The following TAS1R1 variants were observed in gnomAD, a reference collection of about 807,000 sequenced individuals.
TAS1R1 encodes taste 1 receptor member 1, also known as taste receptor type 1 member 1.
Under a neutral mutation model 45.8 loss-of-function variants are expected in TAS1R1, and 31 were observed. The ratio of observed to expected loss-of-function variants is 0.68; its 90% CI spans 0.51 to 0.91. The LOEUF is 0.91. TAS1R1 is among the 40% of genes least tolerant of loss of function. The pLI, the probability that TAS1R1 is intolerant of heterozygous loss-of-function variation, is 0.00. For synonymous variants in TAS1R1, 437 were observed against 448.4 expected (o/e 0.97, Z 0.32); for missense variants, 1,051 against 1,063.9 (o/e 0.99, Z 0.17).
intron 1 of TAS1R1, among the ~76,000 whole-genome samples, chr1:6,565,416 A>G (rs957864690): frequency 6.6e-6 from 1 of 152,022 alleles, no homozygotes; most frequent in Non-Finnish European, 1.5e-5. Flanking sequence ...TAGAGCTCTG[A>G]GGCAAGTTGG....
intron 2 of TAS1R1, among the ~76,000 whole-genome samples, chr1:6,571,750 G>A (rs527564118): frequency 1.3e-5 from 2 of 152,254 alleles, no homozygotes; most frequent in African/African-American, 4.8e-5. Flanking sequence ...AATCTGGGAG[G>A]TGGAGGTTGC....
chr1:6,576,011 G>A (rs1214265437), intron 3 of TAS1R1, among the ~76,000 whole-genome samples: 1 of 151,916 alleles, frequency 6.6e-6, no homozygotes, highest in Non-Finnish European at 1.5e-5. Context: ...TGTATTTTTA[G>A]TAGAGATGGG....
chr1:6,579,606 C>A lies in TAS1R1; in HGVS notation c.*22C>A. On this transcript the variant is annotated 3_prime_UTR_variant, in exon 6 of 6. Coordinates refer to ENST00000333172, the MANE Select transcript of TAS1R1 (RefSeq NM_138697.4). ...CTGACCAGTGGGTCAGCAGGCACGGCTGGCAGCCTTCTCTGCCCTGAGGGT... is the reference window on the plus strand; with the variant it reads ...CTGACCAGTGGGTCAGCAGGCACGGATGGCAGCCTTCTCTGCCCTGAGGGT... 2 of 1,583,772 alleles carry A rather than the reference C, an allele frequency of 1.3e-6. No individual in the cohort carries two copies. The highest frequency in any genetic ancestry group is 1.7e-5 in the Admixed American group (1 of 58,862).
At chr1:6,568,409 T>C (rs1639920188) in intron 1 of TAS1R1, among the ~76,000 whole-genome samples, 1 of 150,222 alleles carries the variant, frequency 6.7e-6, no homozygotes, top group Non-Finnish European at 1.5e-5. Context: ...GAGCCGAGAT[T>C]GCGCCACTGC....
rs993806949 is a variant in TAS1R1 at position 6,570,981 on chromosome 1, C to T, written c.264C>T (p.Asn88=). 4 of 1,613,970 alleles carry T rather than the reference C, an allele frequency of 2.5e-6. No individual in the cohort carries two copies. Among genetic ancestry groups the T allele is most frequent in the Admixed American group, 1.7e-5 (1 of 59,988 alleles). ...GGCTTGGGGTTGAGGAGATAAACAA[C>T]TCCACGGCCCTGCTGCCCAACATCA... ...AMRLGVEEIN[N]STALLPNITL... The change falls in exon 2 of 6, where the codon AAC becomes AAT. Residue 88 remains asparagine (N), a synonymous_variant. Coordinates refer to ENST00000333172, the MANE Select transcript of TAS1R1 (RefSeq NM_138697.4).
rs1570128830 is a variant in TAS1R1 at position 6,574,620 on chromosome 1, A to G, written c.499-11A>G. 6.3e-7 allele frequency: 1 copy of G among 1,583,824 alleles called. No individual in the cohort carries two copies. The highest frequency in any genetic ancestry group is 8.6e-7 in the Non-Finnish European group (1 of 1,162,976). ...GTGGAGACTGAAATGGCTGAACGGG[A>G]CCTCCCATAGATTAGCTATGCGGCC... On this transcript the variant is annotated splice_polypyrimidine_tract_variant and intron_variant, in intron 2 of 5. Transcript: ENST00000333172. The surrounding 1 kb of genome is among the most constrained non-coding windows in gnomAD (Gnocchi z 4.3).
intron 1 of TAS1R1, among the ~76,000 whole-genome samples, chr1:6,563,225 G>A (rs972577097): frequency 6.6e-6 from 1 of 152,172 alleles, no homozygotes; most frequent in Non-Finnish European, 1.5e-5. Context: ...TAAAATTTTG[G>A]TGGTCATTTG....
At chr1:6,560,471 C>T (rs1436359248) in intron 1 of TAS1R1, among the ~76,000 whole-genome samples, 1 of 152,190 alleles carries the variant, frequency 6.6e-6, no homozygotes, top group African/African-American at 2.4e-5. Flanking sequence ...TCTGGGTAAA[C>T]CCACTTCCTG....
Position 6,575,394 on chromosome 1 carries a change from T to TA in TAS1R1, c.1260+4dup. The TA allele has an allele frequency of 6.4e-7, 1 of 1,551,750 alleles. No individual in the cohort carries two copies. The highest frequency in any genetic ancestry group is 8.7e-7 in the Non-Finnish European group (1 of 1,151,622). On this transcript the variant is annotated splice_region_variant and intron_variant, in intron 3 of 5. Transcript: ENST00000333172. ...AGGGGCCGAGTCTACCCCTGGCAGG[T>TA]AAGAGAGCCCACCCCAGCACCTCCT...
Position 6,574,811 on chromosome 1 carries a change from G to A in TAS1R1, c.679G>A (p.Ala227Thr). 6.2e-7 allele frequency: 1 copy of A among 1,614,272 alleles called. No individual in the cohort carries two copies. Among genetic ancestry groups the A allele is most frequent in the Non-Finnish European group, 8.5e-7 (1 of 1,180,054 alleles). ...CGACTATGGGCAGCTAGGGGTGCAGGCACTGGAGAACCAGGCCACTGGTCA... is the reference window on the plus strand; with the variant it reads ...CGACTATGGGCAGCTAGGGGTGCAGACACTGGAGAACCAGGCCACTGGTCA... ...SDDYGQLGVQ[A>T]LENQATGQGI... Residue 227 changes from alanine (A) to threonine (T), a missense_variant, in exon 3 of 6, where the codon GCA becomes ACA. Physicochemically the swap from Ala to Thr is moderately conservative, Grantham distance 58. Transcript: ENST00000333172. This position sits in a 1 kb window ranked among gnomAD's most constrained non-coding sequence, Gnocchi z 4.3.
chr1:6,568,865 A>G (rs1252294908), intron 1 of TAS1R1, among the ~76,000 whole-genome samples: 3 of 152,230 alleles, frequency 2.0e-5, no homozygotes, highest in Non-Finnish European at 2.9e-5. Flanking sequence ...AAGTGAGTTC[A>G]TAAGATTGGG....
chr1:6,578,470 ATTAACACAGGCAT>A (rs1048047236), intron 5 of TAS1R1, among the ~76,000 whole-genome samples, 170 bp from the exon 6 acceptor site: 4 of 151,912 alleles, frequency 2.6e-5, no homozygotes, highest in African/African-American at 9.7e-5. Flanking sequence ...AGAGTCTGTA[ATTAACACAGGCAT>A]TTTGAGGAAA....
At chr1:6,561,734 A>C (rs914138778) in intron 1 of TAS1R1, among the ~76,000 whole-genome samples, 3 of 146,298 alleles carry the variant, frequency 2.1e-5, no homozygotes, top group Non-Finnish European at 4.5e-5. Flanking sequence ...AAAAAAGTCT[A>C]TTTGGGATTG....
rs201935637 is a variant in TAS1R1 at position 6,570,906 on chromosome 1, C to T, written c.192-3C>T. On this transcript the variant is annotated splice_polypyrimidine_tract_variant and splice_region_variant and intron_variant, in intron 1 of 5. Transcript: ENST00000333172. ...AGCTGTCTCTTACTGGCTTTCTCCACAGGTCTTGTAGCTTCAATGAGCATG... is the reference window on the plus strand; with the variant it reads ...AGCTGTCTCTTACTGGCTTTCTCCATAGGTCTTGTAGCTTCAATGAGCATG... 625 of 1,589,724 alleles carry T rather than the reference C, an allele frequency of 3.9e-4. 10 individuals carry two copies. In the South Asian group the frequency reaches 6.9e-3, roughly 18 times the overall value.
At chr1:6,572,794 T>G (rs1640051925) in intron 2 of TAS1R1, among the ~76,000 whole-genome samples, 1 of 152,142 alleles carries the variant, frequency 6.6e-6, no homozygotes, top group Non-Finnish European at 1.5e-5. Context: ...CCCTCCCCTC[T>G]GATCTGAGCC....
chr1:6,558,538 G>A (rs1639725507), intron 1 of TAS1R1, among the ~76,000 whole-genome samples: 1 of 151,948 alleles, frequency 6.6e-6, no homozygotes, highest in Non-Finnish European at 1.5e-5. Flanking sequence ...TGGCCAACAT[G>A]GTGAAACCCC....
chr1:6,571,632 C>T (rs138702030), intron 2 of TAS1R1, among the ~76,000 whole-genome samples: 3 of 152,246 alleles, frequency 2.0e-5, no homozygotes, highest in East Asian at 1.9e-4. Context: ...CCAGCCTGGC[C>T]AGTATGGCGA....
chr1:6,579,142 T>A lies in TAS1R1; in HGVS notation c.2084T>A (p.Leu695Gln), dbSNP rs1355532405. 8.1e-6 allele frequency: 13 copies of A among 1,614,212 alleles called. 1 individual carries two copies. The Admixed American group carries it at 2.2e-4, about 27-fold the overall frequency. Reference sequence around the variant, plus strand: ...TCAGCGGCCCAGCTGCTTATCTGTCTAACTTGGCTGGTGGTGTGGACCCCA... The same window carrying A: ...TCAGCGGCCCAGCTGCTTATCTGTCAAACTTGGCTGGTGGTGTGGACCCCA... ...ISSAAQLLIC[L>Q]TWLVVWTPLP... is the part of the protein sequence containing the mutation. The change falls in exon 6 of 6, where the codon CTA (leucine) becomes CAA (glutamine). Residue 695 changes from leucine (L) to glutamine (Q), a missense_variant. Leu to Gln is a moderately radical substitution (Grantham distance 113). Coordinates refer to ENST00000333172, the MANE Select transcript of TAS1R1 (RefSeq NM_138697.4).
Position 6,577,051 on chromosome 1 carries a change from G to C in TAS1R1, c.1575G>C (p.Gly525=). ...TTGAGTGTGTGCCCTGTGGGGCTGG[G>C]ACCTTCCTCAACAAGAGTGGTGAGT... The part of the protein sequence containing the change: ...CCFECVPCGA[G]TFLNKSDLYR... Residue 525 remains glycine, a synonymous_variant, in exon 5 of 6, where the codon GGG becomes GGC. Coordinates refer to ENST00000333172, the MANE Select transcript of TAS1R1 (RefSeq NM_138697.4). 6.2e-7 allele frequency: 1 copy of C among 1,614,198 alleles called. No individual in the cohort carries two copies. The highest frequency in any genetic ancestry group is 8.5e-7 in the Non-Finnish European group (1 of 1,180,008).
Sources: gnomAD v4.1 joint callset for allele counts (sites outside exome capture counted in the v4.1 genomes callset) on GRCh38, gnomAD v4.1.1 for gene constraint, Gnocchi (gnomAD v3.1) non-coding constraint, MANE v1.5 for transcripts, NCBI Gene and HGNC (gene_info 2026-07-23, HGNC 2026-07-21) for gene names.